Variants in TMEM44 observed in about 807,000 individuals in gnomAD.
TMEM44 encodes transmembrane protein 44.
In TMEM44, 43 loss-of-function variants were observed where a neutral mutation model predicts 47.8. The ratio of observed to expected loss-of-function variants is 0.90; its 90% CI spans 0.70 to 1.16. The LOEUF is 1.16. TMEM44 is among the 50% of genes most tolerant of loss of function. The probability of loss-of-function intolerance (pLI) is 0.00; values close to 1 mark genes in which losing one functional copy is unlikely to be tolerated. For synonymous variants in TMEM44, 277 were observed against 238.8 expected, an observed-to-expected ratio of 1.16 and a Z score of -1.48; for missense variants, 568 against 555.2, an observed-to-expected ratio of 1.02 and a Z score of -0.23.
At chr3:194,615,820 T>G in intron 6 of TMEM44, 123 bp from the exon 7 acceptor site, 2 of 1,315,784 alleles carry the variant, frequency 1.5e-6, no homozygotes, top group African/African-American at 1.5e-5. Context: ...TCCCCTGTAT[T>G]ATCCTGCCTG....
chr3:194,623,167 C>T (rs1444657752), intron 5 of TMEM44, 57 bp downstream of exon 5: 2 of 1,517,208 alleles, frequency 1.3e-6, no homozygotes, highest in Non-Finnish European at 8.9e-7. Context: ...CAGGATGCTC[C>T]CAGATGCCCT....
At chr3:194,630,855 G>A (rs1312872437) in intron 1 of TMEM44, among the ~76,000 whole-genome samples, 3 of 149,476 alleles carry the variant, frequency 2.0e-5, no homozygotes, top group African/African-American at 7.4e-5. Flanking sequence ...GAAATAATAC[G>A]CTGTCGTACC....
At chr3:194,602,709 G>C (rs377442513) in intron 9 of TMEM44, among the ~76,000 whole-genome samples, 11 of 152,202 alleles carry the variant, frequency 7.2e-5, no homozygotes, top group African/African-American at 2.7e-4. Context: ...CCAGAGAAGA[G>C]TCCGTGGCCA....
chr3:194,621,718 AT>A (rs34426435), intron 5 of TMEM44, among the ~76,000 whole-genome samples: 7,421 of 147,086 alleles, frequency 0.05, 571 homozygotes, highest in African/African-American at 0.17. Flanking sequence ...TGGGCAAGTA[AT>A]TTTTTTTTTT....
intron 9 of TMEM44, chr3:194,589,629 G>A (rs1712356400): frequency 6.6e-6 from 1 of 152,134 alleles, no homozygotes; most frequent in South Asian, 2.1e-4. Flanking sequence ...CGACTCAGGT[G>A]GGTTTGGGAA....
Position 194,610,660 on chromosome 3 carries a change from A to G in TMEM44, c.1017+256T>C, listed in dbSNP as rs74195553. On this transcript the variant is annotated intron_variant, in intron 8 of 9. Transcript: ENST00000347147. The stretch of plus-strand genomic sequence containing the variant: ...TCAACTGGCCACCTCCTTGAGCCAC[A>G]TTTTTCTTTGTACATTTAAAGCTGT... Among the ~76,000 whole-genome samples, 157 of 151,964 alleles carry G rather than the reference A, an allele frequency of 1.0e-3. 1 individual carries two copies. The East Asian group carries it at 0.028, about 28-fold the overall frequency.
intron 9 of TMEM44, among the ~76,000 whole-genome samples, chr3:194,600,983 G>T (rs1325929716): frequency 3.9e-5 from 6 of 152,156 alleles, no homozygotes; most frequent in Non-Finnish European, 5.9e-5. Context: ...GTATGTTTTA[G>T]GGCATGAAGG....
intron 3 of TMEM44, 109 bp downstream of exon 3, chr3:194,625,788 T>G: frequency 3.0e-6 from 3 of 996,532 alleles, no homozygotes; most frequent in Non-Finnish European, 4.7e-6. Context: ...CCTTTCTCCT[T>G]TGTTTGTGCC....
At chr3:194,610,857 G>T in intron 8 of TMEM44, 59 bp downstream of exon 8, 1 of 1,449,844 alleles carries the variant, frequency 6.9e-7, no homozygotes, top group Non-Finnish European at 9.6e-7. Flanking sequence ...CCTCCAGGAA[G>T]CCTTCCATGA....
At chr3:194,631,024 G>C (rs1391480981) in intron 1 of TMEM44, among the ~76,000 whole-genome samples, 2 of 149,722 alleles carry the variant, frequency 1.3e-5, no homozygotes, top group Admixed American at 1.3e-4. Flanking sequence ...CGAAGGGGCT[G>C]GCTGTTTCCG....
At chr3:194,599,310 A>G (rs959431010) in intron 9 of TMEM44, among the ~76,000 whole-genome samples, 2 of 152,122 alleles carry the variant, frequency 1.3e-5, no homozygotes, top group African/African-American at 4.8e-5. Flanking sequence ...TCAAAATCCC[A>G]CTGGCAGAAA....
intron 5 of TMEM44, among the ~76,000 whole-genome samples, chr3:194,619,730 C>T (rs1214747856): frequency 1.3e-5 from 2 of 152,182 alleles, no homozygotes; most frequent in Non-Finnish European, 2.9e-5. Flanking sequence ...CTGGGTTTCT[C>T]CCTATGAAGG....
In TMEM44 at chr3:194,623,550, C is replaced by G. The variant is rs2108597938; in HGVS notation, c.504G>C (p.Arg168Ser). 9 of 1,602,934 alleles carry G rather than the reference C, an allele frequency of 5.6e-6. No homozygotes were observed. In the East Asian group the frequency reaches 2.0e-4, roughly 36 times the overall value. ...TCACCTGCAGCAGGCTCGCTAGCAG[C>G]CTCCGCTGTGGCCCCCGGATGGTGG... ...ASATIRGPQRRLLASLLQENT... is the reference protein window; with the variant it reads ...ASATIRGPQRSLLASLLQENT... Residue 168 changes from arginine to serine, a missense_variant, in exon 4 of 10, where the codon AGG (arginine) becomes AGC (serine). Coordinates refer to ENST00000347147, the MANE Select transcript of TMEM44 (RefSeq NM_001011655.3).
chr3:194,612,279 G>A lies in TMEM44; in HGVS notation c.913-1259C>T, dbSNP rs74622675. 9.0e-3 allele frequency among the ~76,000 whole-genome samples: 1,365 copies of A among 152,178 alleles called. 7 individuals are homozygous for A. The highest frequency in any genetic ancestry group is 0.024 in the Middle Eastern group (7 of 294). On this transcript the variant is annotated intron_variant, in intron 7 of 9. Transcript: ENST00000347147. ...CTGTTAATATTTTGGCCCCCTTTTGGAATATAATTTCCTAACAGTTGCTAG... is the reference window on the plus strand; with the variant it reads ...CTGTTAATATTTTGGCCCCCTTTTGAAATATAATTTCCTAACAGTTGCTAG...
At chr3:194,602,268 C>A (rs1714220131) in intron 9 of TMEM44, among the ~76,000 whole-genome samples, 1 of 152,226 alleles carries the variant, frequency 6.6e-6, no homozygotes, top group Non-Finnish European at 1.5e-5. Context: ...CGCTGTGGCT[C>A]CTGGGGCACA....
In TMEM44 at chr3:194,611,115, G is replaced by A. The variant is rs1334733202; in HGVS notation, c.913-95C>T. 12 of 973,772 alleles carry A rather than the reference G, an allele frequency of 1.2e-5. No individual in the cohort carries two copies. Among genetic ancestry groups the A allele is most frequent in the South Asian group, 2.8e-5 (2 of 71,046 alleles). 60.3% of individuals were successfully genotyped at this position (973,772 alleles called of 1,614,324 possible). ...TCACATTTTATTCAAAAGGACCCCCGTGGTATTTTCTCTCTCTCTTTTTTA... is the reference window on the plus strand; with the variant it reads ...TCACATTTTATTCAAAAGGACCCCCATGGTATTTTCTCTCTCTCTTTTTTA... On this transcript the variant is annotated intron_variant, in intron 7 of 9. Transcript: ENST00000347147. This position sits in a 1 kb window ranked among gnomAD's most constrained non-coding sequence, Gnocchi z 4.2.
At chr3:194,612,036 A>G (rs1715379239) in intron 7 of TMEM44, among the ~76,000 whole-genome samples, 1 of 151,400 alleles carries the variant, frequency 6.6e-6, no homozygotes, top group Non-Finnish European at 1.5e-5. Context: ...AAATAAATAA[A>G]TAAATAAATA....
At chr3:194,626,605 A>G (rs1717202818) in intron 2 of TMEM44, among the ~76,000 whole-genome samples, 2 of 152,060 alleles carry the variant, frequency 1.3e-5, no homozygotes, top group African/African-American at 4.8e-5. Flanking sequence ...AGGAATAATG[A>G]GGACACTCAT....
chr3:194,623,651 T>C lies in TMEM44; in HGVS notation c.403A>G (p.Ser135Gly), dbSNP rs1053378783. The change falls in exon 4 of 10, where the codon AGT (serine) becomes GGT (glycine). Residue 135 changes from serine to glycine, a missense_variant. By Grantham distance (56) the Ser-to-Gly change is moderately conservative (BLOSUM62 0). Coordinates refer to ENST00000347147, the MANE Select transcript of TMEM44 (RefSeq NM_001011655.3). ...AGCGGCAGGGCCAGGGCAAACACAC[T>C]GGCCCTGAGCTGCCGCCTCCTCTTC... ...ERKRRRQLRA[S>G]VFALALPLSL... 3.7e-6 allele frequency: 6 copies of C among 1,613,112 alleles called. No homozygotes were observed. The highest frequency in any genetic ancestry group is 1.1e-5 in the South Asian group (1 of 91,038).
Sources: gnomAD v4.1 joint callset for allele counts (sites outside exome capture counted in the v4.1 genomes callset) on GRCh38, gnomAD v4.1.1 for gene constraint, Gnocchi (gnomAD v3.1) non-coding constraint, MANE v1.5 for transcripts, NCBI Gene and HGNC (gene_info 2026-07-23, HGNC 2026-07-21) for gene names.